The following PLA2G5 variants were observed in gnomAD, a reference collection of about 807,000 sequenced individuals.
PLA2G5 encodes the protein phospholipase A2 group V.
A neutral mutation model predicts 15.9 loss-of-function variants in PLA2G5; 12 were observed. The observed-to-expected ratio is 0.76, with a 90% CI of 0.48 to 1.23. The LOEUF is 1.23. Among genes scored for constraint, PLA2G5 ranks in the 50% most tolerant of loss-of-function variants. PLA2G5 has a pLI of 0.00. For synonymous variants in PLA2G5, 71 were observed against 71.4 expected, an observed-to-expected ratio of 0.99 and a Z score of 0.03; for missense variants, 169 against 177.1, an observed-to-expected ratio of 0.95 and a Z score of 0.26.
At chr1:20,032,140 T>A (rs2012988554) in intron 1 of PLA2G5, among the ~76,000 whole-genome samples, 1 of 152,158 alleles carries the variant, frequency 6.6e-6, no homozygotes, top group Non-Finnish European at 1.5e-5. Flanking sequence ...TGGTTACTTG[T>A]TGTTTTAAAA....
chr1:20,043,691 A>G (rs572374637), intron 1 of PLA2G5, among the ~76,000 whole-genome samples: 8 of 152,304 alleles, frequency 5.3e-5, no homozygotes, highest in African/African-American at 1.9e-4. Flanking sequence ...GATAACTAAA[A>G]AAGAGTGCAT....
intron 1 of PLA2G5, among the ~76,000 whole-genome samples, chr1:20,080,845 G>T (rs2015973308): frequency 6.6e-6 from 1 of 151,852 alleles, no homozygotes; most frequent in Non-Finnish European, 1.5e-5. Flanking sequence ...TGAGGGAGGT[G>T]CAGAGAGCAG....
intron 3 of PLA2G5, among the ~76,000 whole-genome samples, chr1:20,086,598 C>G (rs193143731): frequency 6.6e-6 from 1 of 152,334 alleles, no homozygotes; most frequent in African/African-American, 2.4e-5. Flanking sequence ...GTCAGCATCT[C>G]CTGGCCTAGG....
At chr1:20,077,651 T>C (rs3767229) in intron 1 of PLA2G5, among the ~76,000 whole-genome samples, 28,249 of 152,160 alleles carry the variant, frequency 0.19, 2,934 homozygotes, top group East Asian at 0.4. Flanking sequence ...CTGCCTGACT[T>C]ATCTCATCGA....
At position 20,090,604 on chromosome 1, in the gene PLA2G5, G is replaced by C; in HGVS notation, c.329G>C (p.Cys110Ser). The C allele has an allele frequency of 6.2e-7, 1 of 1,614,072 alleles. No individual in the cohort carries two copies. The highest frequency in any genetic ancestry group is 8.5e-7 in the Non-Finnish European group (1 of 1,179,942). The change falls in exon 5 of 5, where the codon TGT (cysteine) becomes TCT (serine). Residue 110 changes from cysteine (C) to serine (S), a missense_variant. Transcript: ENST00000375108. ...TTCTGCCATGTGAACCTCTGTGCCT[G>C]TGACCGGAAGCTCGTCTACTGCCTC... ...GPFCHVNLCA[C>S]DRKLVYCLKR...
chr1:20,074,510 A>G (rs1254451862), intron 1 of PLA2G5, among the ~76,000 whole-genome samples: 3 of 152,208 alleles, frequency 2.0e-5, no homozygotes, highest in Admixed American at 2.0e-4. Context: ...TGACTTCATG[A>G]GCTTTGACAG....
chr1:20,061,462 T>C (rs2014725326), intron 2 of PLA2G5, among the ~76,000 whole-genome samples: 1 of 151,972 alleles, frequency 6.6e-6, no homozygotes, highest in Non-Finnish European at 1.5e-5. Flanking sequence ...GGCACACATC[T>C]GTAGTCCCAA....
intron 2 of PLA2G5, among the ~76,000 whole-genome samples, chr1:20,060,184 A>G (rs2014637141): frequency 6.6e-6 from 1 of 150,998 alleles, no homozygotes; most frequent in Non-Finnish European, 1.5e-5. Flanking sequence ...TTTTGGAGGT[A>G]GAACACTGTT....
intron 3 of PLA2G5, among the ~76,000 whole-genome samples, chr1:20,089,194 T>C (rs1453703857): frequency 6.6e-6 from 1 of 152,192 alleles, no homozygotes; most frequent in Non-Finnish European, 1.5e-5. Context: ...TTGGGAATAA[T>C]GACAAGAAAA....
chr1:20,039,372 A>G (rs985535548), intron 1 of PLA2G5, among the ~76,000 whole-genome samples: 2 of 152,190 alleles, frequency 1.3e-5, no homozygotes, highest in Admixed American at 6.5e-5. Context: ...GGTTTCTTCA[A>G]GCTTCCAAAA....
At chr1:20,072,428 G>A (rs1214342999) in intron 1 of PLA2G5, among the ~76,000 whole-genome samples, 1 of 152,172 alleles carries the variant, frequency 6.6e-6, no homozygotes, top group Non-Finnish European at 1.5e-5. Context: ...ACAAAGATGA[G>A]TAGGAGTTGA....
rs112575131 is a variant in PLA2G5, at chr1:20,056,228, C to T, written n.277-3404C>T. ...GCATCATCAGCATCCTGCCCCACTG[C>T]GGTAGCTCCCAATGCCTTCCTTCTA... is the stretch of plus-strand genomic sequence containing the variant. On this transcript the variant is annotated intron_variant and non_coding_transcript_variant, in intron 1 of 6. Coordinates refer to the PLA2G5 transcript ENST00000460175. 5.6e-3 allele frequency among the ~76,000 whole-genome samples: 850 copies of T among 152,156 alleles called. 4 individuals are homozygous for T. Among genetic ancestry groups the T allele is most frequent in the Non-Finnish European group, 9.0e-3 (614 of 67,996 alleles).
intron 1 of PLA2G5, among the ~76,000 whole-genome samples, chr1:20,073,457 GTGTGTA>G (rs1557745350): frequency 6.6e-6 from 1 of 152,174 alleles, no homozygotes; most frequent in African/African-American, 2.4e-5. Flanking sequence ...AGAACTAGTG[GTGTGTA>G]TCTTTACAGG....
intron 1 of PLA2G5, among the ~76,000 whole-genome samples, chr1:20,030,615 G>A (rs1330845797): frequency 6.6e-6 from 1 of 152,058 alleles, no homozygotes; most frequent in Non-Finnish European, 1.5e-5. Context: ...CGGGCTGGGG[G>A]ATGGTCAGGT....
chr1:20,079,659 C>T (rs1259368518), intron 1 of PLA2G5, among the ~76,000 whole-genome samples: 1 of 152,164 alleles, frequency 6.6e-6, no homozygotes, highest in East Asian at 1.9e-4. Flanking sequence ...GTGCCTGACC[C>T]ACATGTGCCT....
At chr1:20,072,378 G>T (rs2015424139) in intron 1 of PLA2G5, among the ~76,000 whole-genome samples, 1 of 152,150 alleles carries the variant, frequency 6.6e-6, no homozygotes, top group Admixed American at 6.5e-5. Context: ...CATGATACGT[G>T]CTTGCTAAAT....
chr1:20,035,870 T>C (rs2013218856), intron 1 of PLA2G5, among the ~76,000 whole-genome samples: 1 of 152,236 alleles, frequency 6.6e-6, no homozygotes, highest in South Asian at 2.1e-4. Flanking sequence ...TATTTTGGTG[T>C]ATTTCAAGGT....
At chr1:20,048,079 CTATT>C (rs1181012012) in intron 1 of PLA2G5, among the ~76,000 whole-genome samples, 1 of 152,064 alleles carries the variant, frequency 6.6e-6, no homozygotes, top group South Asian at 2.1e-4. Context: ...ACACATCTAT[CTATT>C]TATGTGTTGT....
chr1:20,045,732 A>G (rs1039801365), intron 1 of PLA2G5, among the ~76,000 whole-genome samples: 2 of 152,214 alleles, frequency 1.3e-5, no homozygotes, highest in Non-Finnish European at 2.9e-5. Context: ...GCAGGAGGAC[A>G]GGGGATTGAT....
Sources: allele counts gnomAD v4.1 joint callset (sites outside exome capture counted in the v4.1 genomes callset), GRCh38; gene constraint gnomAD v4.1.1; transcripts MANE v1.5; gene names NCBI Gene and HGNC (gene_info 2026-07-23, HGNC 2026-07-21).